CUX2: variants seen among roughly 807,000 people sequenced by gnomAD.
The protein encoded by CUX2 is cut like homeobox 2, also known as homeobox protein cut-like 2.
CUX2 carries 40 observed loss-of-function variants against 144.8 expected under a neutral mutation model. The observed-to-expected ratio is 0.28, with a 90% CI of 0.21 to 0.36. CUX2 has a LOEUF of 0.36. CUX2 is among the 10% of genes least tolerant of loss of function. The probability of loss-of-function intolerance (pLI) is 1.00; values close to 1 mark genes in which losing one functional copy is unlikely to be tolerated. For missense variants in CUX2, 1,615 were observed against 1,994.0 expected, an observed-to-expected ratio of 0.81 and a Z score of 3.62; for synonymous variants, 827 against 875.6, an observed-to-expected ratio of 0.94 and a Z score of 0.98.
intron 1 of CUX2, among the ~76,000 whole-genome samples, chr12:111,172,155 CTG>C (rs1278507901): frequency 6.6e-6 from 1 of 151,760 alleles, no homozygotes; most frequent in South Asian, 2.1e-4. Context: ...GCATGTGCCT[CTG>C]TGTGTGTGTT....
chr12:111,241,327 A>G (rs1017265826), intron 3 of CUX2, among the ~76,000 whole-genome samples: 1 of 152,108 alleles, frequency 6.6e-6, no homozygotes, highest in Non-Finnish European at 1.5e-5. Context: ...GACTCCCAAT[A>G]CTGCTGCATT....
intron 1 of CUX2, among the ~76,000 whole-genome samples, chr12:111,176,102 A>T (rs1878845912): frequency 7.0e-6 from 1 of 142,308 alleles, no homozygotes; most frequent in Non-Finnish European, 1.5e-5. Flanking sequence ...CCCAGGCTGC[A>T]ATACAGTGAT....
rs1415221273 is a variant in CUX2, at chr12:111,186,678, C to G, written c.64-27522C>G. On this transcript the variant is annotated intron_variant, in intron 1 of 21. Transcript: ENST00000261726. The surrounding 1 kb of genome is among the most constrained non-coding windows in gnomAD (Gnocchi z 4.4). ...TGTGACCTTGTATGACCTTGCCACT[C>G]TGAGCCTCTGTTTCCTTCTCTGCGA... is the stretch of plus-strand genomic sequence containing the variant. Among the ~76,000 whole-genome samples the G allele has an allele frequency of 6.6e-6, 1 of 152,224 alleles. No individual in the cohort carries two copies.
chr12:111,223,131 C>A (rs1055562323), intron 3 of CUX2, among the ~76,000 whole-genome samples: 2 of 152,124 alleles, frequency 1.3e-5, no homozygotes, highest in Non-Finnish European at 2.9e-5. Context: ...TTGTGGAGAA[C>A]CTTCTATGTC....
intron 1 of CUX2, among the ~76,000 whole-genome samples, chr12:111,040,986 A>C (rs1869717814): frequency 6.6e-6 from 1 of 152,176 alleles, no homozygotes. Context: ...TTAACTTTTC[A>C]GTTAAGAGTA....
chr12:111,300,589 G>T (rs61589992), intron 9 of CUX2, among the ~76,000 whole-genome samples: 5,435 of 152,222 alleles, frequency 0.036, 336 homozygotes, highest in African/African-American at 0.12. Context: ...TAACCCAGGG[G>T]AGGGCAAACT....
intron 1 of CUX2, among the ~76,000 whole-genome samples, chr12:111,076,955 C>T (rs1044483657): frequency 5.9e-5 from 9 of 152,136 alleles, no homozygotes; most frequent in African/African-American, 2.2e-4. Flanking sequence ...TGAGAAAACC[C>T]GTCGCCCCTC....
At chr12:111,294,672 G>A (rs1220450402) in intron 6 of CUX2, among the ~76,000 whole-genome samples, 2 of 151,902 alleles carry the variant, frequency 1.3e-5, no homozygotes, top group African/African-American at 2.4e-5. Flanking sequence ...TGAGGCAGGC[G>A]GATCACTTGA....
At chr12:111,286,920 T>C (rs1885415939) in intron 4 of CUX2, among the ~76,000 whole-genome samples, 1 of 152,150 alleles carries the variant, frequency 6.6e-6, no homozygotes, top group Admixed American at 6.5e-5. Flanking sequence ...TTCCAGGTTA[T>C]AAGTGGAGAA....
chr12:111,197,879 A>G (rs1880336642), intron 1 of CUX2, among the ~76,000 whole-genome samples: 1 of 152,184 alleles, frequency 6.6e-6, no homozygotes, highest in African/African-American at 2.4e-5. Context: ...CTAAAACATC[A>G]GGATGTGCTC....
intron 1 of CUX2, among the ~76,000 whole-genome samples, chr12:111,113,124 C>G (rs188680934): frequency 6.6e-6 from 1 of 151,992 alleles, no homozygotes; most frequent in East Asian, 1.9e-4. Context: ...CCTGGAGCCC[C>G]GAAGTTAATA....
intron 9 of CUX2, among the ~76,000 whole-genome samples, chr12:111,300,242 C>T (rs915438751): frequency 6.6e-6 from 1 of 152,048 alleles, no homozygotes; most frequent in Non-Finnish European, 1.5e-5. Flanking sequence ...TGCCTCAGTC[C>T]CCCAAGTAGC....
At chr12:111,210,829 C>T (rs1294067606) in intron 1 of CUX2, among the ~76,000 whole-genome samples, 3 of 151,686 alleles carry the variant, frequency 2.0e-5, no homozygotes, top group Non-Finnish European at 4.4e-5. Flanking sequence ...TTATTGAACA[C>T]TTGAAGCTTT....
chr12:111,073,829 C>T (rs1216954934), intron 1 of CUX2, among the ~76,000 whole-genome samples: 1 of 151,918 alleles, frequency 6.6e-6, no homozygotes, highest in Non-Finnish European at 1.5e-5. Context: ...GGTATGGTGG[C>T]AAGCGCCTGT....
chr12:111,296,665 C>T, intron 8 of CUX2, 126 bp downstream of exon 8: 2 of 747,602 alleles, frequency 2.7e-6, no homozygotes, highest in South Asian at 3.4e-5. Context: ...CCCTCTGACC[C>T]TCCAGTACTT....
Position 111,088,502 on chromosome 12 carries a change from C to T in CUX2, c.63+54262C>T, listed in dbSNP as rs893405009. Among the ~76,000 whole-genome samples, 12 of 152,006 alleles carry T rather than the reference C, an allele frequency of 7.9e-5. 1 individual carries two copies. The highest frequency in any genetic ancestry group is 3.3e-4 in the Admixed American group (5 of 15,252). ...ACTGCATTAATTATTCAAAATGCAG[C>T]GGGCTGAATCCCTACGATGTGACGC... On this transcript the variant is annotated intron_variant, in intron 1 of 21. Coordinates refer to ENST00000261726, the MANE Select transcript of CUX2 (RefSeq NM_015267.4).
chr12:111,068,146 A>G lies in CUX2; in HGVS notation c.63+33906A>G, dbSNP rs1375175467. On this transcript the variant is annotated intron_variant, in intron 1 of 21. Transcript: ENST00000261726. The surrounding 1 kb of genome is among the most constrained non-coding windows in gnomAD (Gnocchi z 4.9). ...CCACCACACCTGCTTCGTTCTGCATAGTTCTCCCCGCTTTATCTTTGATCT... is the reference window on the plus strand; with the variant it reads ...CCACCACACCTGCTTCGTTCTGCATGGTTCTCCCCGCTTTATCTTTGATCT... 6.6e-6 allele frequency among the ~76,000 whole-genome samples: 1 copy of G among 152,092 alleles called. No homozygotes were observed. The highest frequency in any genetic ancestry group is 6.5e-5 in the Admixed American group (1 of 15,286).
At position 111,347,813 on chromosome 12, in the gene CUX2, G is replaced by C. The variant is rs777368892; in HGVS notation, c.3949G>C (p.Asp1317His). The C allele has an allele frequency of 3.7e-6, 6 of 1,614,016 alleles. No homozygotes were observed. Among genetic ancestry groups the C allele is most frequent in the Non-Finnish European group, 5.1e-6 (6 of 1,179,988 alleles). Residue 1317 changes from aspartate (D) to histidine (H), a missense_variant, in exon 22 of 22, where the codon GAC becomes CAC. Coordinates refer to ENST00000261726, the MANE Select transcript of CUX2 (RefSeq NM_015267.4). ...AEEEAGSQPQDSGELDKGQGP... is the reference protein window; with the variant it reads ...AEEEAGSQPQHSGELDKGQGP... ...GGAAGAGGCAGGCAGCCAGCCCCAG[G>C]ACTCAGGGGAGCTGGACAAAGGCCA... is the stretch of plus-strand genomic sequence containing the variant.
At chr12:111,209,274 G>T (rs765685919) in intron 1 of CUX2, among the ~76,000 whole-genome samples, 1 of 152,196 alleles carries the variant, frequency 6.6e-6, no homozygotes, top group Non-Finnish European at 1.5e-5. Flanking sequence ...GCACATGCCT[G>T]TAGTCCCAGC....
Sources: gnomAD v4.1 joint callset for allele counts (sites outside exome capture counted in the v4.1 genomes callset) on GRCh38, gnomAD v4.1.1 for gene constraint, Gnocchi (gnomAD v3.1) non-coding constraint, MANE v1.5 for transcripts, NCBI Gene and HGNC (gene_info 2026-07-23, HGNC 2026-07-21) for gene names.